NXPE1: variants seen among roughly 807,000 people sequenced by gnomAD.
The protein encoded by NXPE1 is NXPE family member 1.
Under a neutral mutation model 33.3 loss-of-function variants are expected in NXPE1, and 31 were observed. The ratio of observed to expected loss-of-function variants is 0.93; its 90% CI spans 0.70 to 1.26. NXPE1 has a LOEUF of 1.26. NXPE1 is among the 50% of genes most tolerant of loss of function. The probability of loss-of-function intolerance (pLI) is 0.00; values close to 1 mark genes in which losing one functional copy is unlikely to be tolerated. For missense variants in NXPE1, 661 were observed against 655.6 expected, an observed-to-expected ratio of 1.01 and a Z score of -0.09; for synonymous variants, 229 against 231.4, an observed-to-expected ratio of 0.99 and a Z score of 0.09.
chr11:114,556,941 G>T (rs1335348392), intron 1 of NXPE1, among the ~76,000 whole-genome samples: 1 of 145,372 alleles, frequency 6.9e-6, no homozygotes, highest in African/African-American at 2.6e-5. Flanking sequence ...TGCCCAAGTT[G>T]GAGTGCAGTG....
At chr11:114,549,368 G>A (rs1948391260) in intron 5 of NXPE1, among the ~76,000 whole-genome samples, 1 of 151,964 alleles carries the variant, frequency 6.6e-6, no homozygotes, top group Non-Finnish European at 1.5e-5. Flanking sequence ...ATATTGGCAA[G>A]CAATCCAAAT....
chr11:114,529,531 C>T (rs1947497135), intron 6 of NXPE1: 1 of 146,666 alleles, frequency 6.8e-6, no homozygotes, highest in Admixed American at 6.8e-5. Context: ...AAACATGCTT[C>T]CATCCCAGTT....
At chr11:114,534,800 T>C (rs1406227721) in intron 5 of NXPE1, among the ~76,000 whole-genome samples, 2 of 152,114 alleles carry the variant, frequency 1.3e-5, no homozygotes, top group Non-Finnish European at 2.9e-5. Flanking sequence ...CAAATCTACG[T>C]CTAATTGGTG....
intron 7 of NXPE1, among the ~76,000 whole-genome samples, chr11:114,524,065 G>T (rs1415434003): frequency 1.3e-5 from 2 of 152,206 alleles, no homozygotes; most frequent in Non-Finnish European, 2.9e-5. Flanking sequence ...TTCTTACTGT[G>T]TGGCTTTAAT....
intron 1 of NXPE1, chr11:114,554,388 T>A (rs1286418513): frequency 1.0e-6 from 1 of 984,982 alleles, no homozygotes; most frequent in East Asian, 1.1e-4. Flanking sequence ...ACCACAGAGG[T>A]GATGACAATA....
At chr11:114,549,022 T>C (rs919898157) in intron 5 of NXPE1, among the ~76,000 whole-genome samples, 1 of 151,902 alleles carries the variant, frequency 6.6e-6, no homozygotes, top group African/African-American at 2.4e-5. Context: ...TTTCACAATT[T>C]TAAGCAAATA....
chr11:114,551,457 A>G lies in NXPE1; in HGVS notation c.-69-16T>C. ...TTCCAGGACCCTGAAATGGAAGTCA[A>G]AGTCACCTTATAGGTTCTCTTAATG... On this transcript the variant is annotated splice_polypyrimidine_tract_variant and intron_variant, in intron 3 of 8. Transcript: ENST00000534921. 1 of 1,226,924 alleles carries G rather than the reference A, an allele frequency of 8.2e-7. No homozygotes were observed. The highest frequency in any genetic ancestry group is 1.0e-6 in the Non-Finnish European group (1 of 980,874). The allele number at this position is 1,226,924 out of a possible 1,614,324, so 76.0% of individuals were successfully genotyped here.
chr11:114,541,019 T>C (rs528608435), intron 5 of NXPE1, among the ~76,000 whole-genome samples: 3 of 152,048 alleles, frequency 2.0e-5, no homozygotes, highest in Admixed American at 6.6e-5. Flanking sequence ...AGCTGACCCC[T>C]GAGGCACACC....
At chr11:114,542,212 G>A (rs1240432375) in intron 5 of NXPE1, among the ~76,000 whole-genome samples, 4 of 151,278 alleles carry the variant, frequency 2.6e-5, no homozygotes, top group Non-Finnish European at 5.9e-5. Context: ...TCAATATTTT[G>A]TCAAAATTTG....
chr11:114,520,954 A>G (rs1353410217), downstream of NXPE1, among the ~76,000 whole-genome samples: 2 of 152,244 alleles, frequency 1.3e-5, no homozygotes, highest in Non-Finnish European at 2.9e-5. Context: ...CAGTGGATTC[A>G]GAAGTGACAG....
chr11:114,557,620 T>C (rs1948682244), intron 1 of NXPE1, among the ~76,000 whole-genome samples: 1 of 132,974 alleles, frequency 7.5e-6, no homozygotes, highest in Admixed American at 8.8e-5. Context: ...CACCACAATA[T>C]ATTATATATA....
chr11:114,557,732 C>T (rs1231365867), intron 1 of NXPE1, among the ~76,000 whole-genome samples: 1 of 146,276 alleles, frequency 6.8e-6, no homozygotes, highest in Non-Finnish European at 1.5e-5. Flanking sequence ...TCTTCTTTGC[C>T]GTTCTCTACT....
chr11:114,519,152 A>C (rs1170593364), downstream of NXPE1, among the ~76,000 whole-genome samples: 3 of 152,230 alleles, frequency 2.0e-5, no homozygotes, highest in Non-Finnish European at 4.4e-5. Flanking sequence ...TATATGACAA[A>C]TGTTAAATTT....
chr11:114,548,152 T>C (rs1375521597), intron 5 of NXPE1, among the ~76,000 whole-genome samples: 3 of 152,124 alleles, frequency 2.0e-5, no homozygotes, highest in Non-Finnish European at 4.4e-5. Context: ...AATGAATATT[T>C]ATGCACCGAG....
At chr11:114,523,966 C>T (rs961608537) in intron 7 of NXPE1, among the ~76,000 whole-genome samples, 1 of 152,214 alleles carries the variant, frequency 6.6e-6, no homozygotes, top group Non-Finnish European at 1.5e-5. Flanking sequence ...TTCTGTCTCA[C>T]ATAACAGGCC....
exon 9 of NXPE1, chr11:114,521,845 C>T (rs1591248315): frequency 1.3e-6 from 1 of 748,624 alleles, no homozygotes; most frequent in African/African-American, 1.8e-5. Flanking sequence ...TAGCCTTCCT[C>T]CCCAAACAGA....
chr11:114,533,587 T>G (rs1323794637), intron 5 of NXPE1, among the ~76,000 whole-genome samples: 1 of 152,214 alleles, frequency 6.6e-6, no homozygotes, highest in African/African-American at 2.4e-5. Flanking sequence ...ACTCCCACCC[T>G]AATACTGCGC....
chr11:114,530,559 G>A, exon 6 of NXPE1: 1 of 1,613,982 alleles, frequency 6.2e-7, no homozygotes, highest in Non-Finnish European at 8.5e-7. Context: ...TGAAGCACCT[G>A]CCGTCAGTGC....
intron 7 of NXPE1, 124 bp from the exon 8 acceptor site, chr11:114,523,215 C>A: frequency 1.5e-6 from 1 of 667,962 alleles, no homozygotes; most frequent in South Asian, 1.9e-5. Flanking sequence ...CTTTTTCTGT[C>A]CCTTTCTAGT....
Sources: gnomAD v4.1 joint callset for allele counts (sites outside exome capture counted in the v4.1 genomes callset) on GRCh38, gnomAD v4.1.1 for gene constraint, MANE v1.5 for transcripts, NCBI Gene and HGNC (gene_info 2026-07-23, HGNC 2026-07-21) for gene names.